The following LYPD6B variants were observed in gnomAD, a reference collection of about 807,000 sequenced individuals.
LYPD6B encodes LY6/PLAUR domain containing 6B, also known as ly6/PLAUR domain-containing protein 6B.
In LYPD6B, 17 loss-of-function variants were observed where a neutral mutation model predicts 22.8. That is an observed-to-expected ratio of 0.75 (90% CI 0.51 to 1.12). LYPD6B has a LOEUF of 1.12. LYPD6B is among the 50% of genes most tolerant of loss of function. The pLI is 0.00. For missense variants in LYPD6B, 221 were observed against 258.3 expected, an observed-to-expected ratio of 0.86 and a Z score of 0.99; for synonymous variants, 106 against 91.6, an observed-to-expected ratio of 1.16 and a Z score of -0.90.
intron 1 of LYPD6B, among the ~76,000 whole-genome samples, chr2:149,129,409 C>T (rs766339124): frequency 1.3e-5 from 2 of 152,152 alleles, no homozygotes; most frequent in African/African-American, 2.4e-5. Context: ...CTAGGCTAAC[C>T]TCTGAATATG....
At chr2:149,161,548 G>A (rs1315486124) in intron 3 of LYPD6B, 4 of 152,244 alleles carry the variant, frequency 2.6e-5, no homozygotes, top group African/African-American at 9.7e-5. Context: ...TTTTCTGAGG[G>A]CAGGTGGCAA....
At chr2:149,080,231 G>A (rs139044790) in intron 1 of LYPD6B, among the ~76,000 whole-genome samples, 135 of 152,262 alleles carry the variant, frequency 8.9e-4, no homozygotes, top group African/African-American at 3.2e-3. Flanking sequence ...GCTTGTGGCC[G>A]CATAACTTTA....
Position 149,145,340 on chromosome 2 carries a change from A to G in LYPD6B, c.5+14387A>G, listed in dbSNP as rs113996707. Among the ~76,000 whole-genome samples, 635 of 152,306 alleles carry G rather than the reference A, an allele frequency of 4.2e-3. 3 individuals are homozygous for G. The highest frequency in any genetic ancestry group is 0.015 in the African/African-American group (606 of 41,572). ...TTGCGCTCTTGAGGGGACCTGGGAT[A>G]TTAGAGGATATTTGCCTGGATGCTC... On this transcript the variant is annotated intron_variant, in intron 2 of 6. Coordinates refer to ENST00000409642, the MANE Select transcript of LYPD6B (RefSeq NM_177964.5).
intron 1 of LYPD6B, among the ~76,000 whole-genome samples, chr2:149,097,527 G>A (rs140218337): frequency 1.1e-3 from 161 of 152,304 alleles, no homozygotes; most frequent in African/African-American, 3.9e-3. Flanking sequence ...TGCTGAACTA[G>A]CAACTCAGGG....
intron 3 of LYPD6B, among the ~76,000 whole-genome samples, chr2:149,179,034 A>G (rs1485873845): frequency 6.6e-6 from 1 of 152,246 alleles, no homozygotes; most frequent in Non-Finnish European, 1.5e-5. Context: ...GAGTGGGGAA[A>G]GAAAGTCGCA....
intron 2 of LYPD6B, among the ~76,000 whole-genome samples, chr2:149,147,803 T>C (rs488501): frequency 0.76 from 115,625 of 151,858 alleles, 44,341 homozygotes; most frequent in South Asian, 0.81. Context: ...TGTGAGCCAC[T>C]GCGCCCAGCC....
intron 2 of LYPD6B, among the ~76,000 whole-genome samples, chr2:149,155,060 CAA>C (rs1689613398): frequency 6.6e-6 from 1 of 152,136 alleles, no homozygotes. Flanking sequence ...GATTCTGTTA[CAA>C]AGTCACTCAG....
At chr2:149,175,155 C>T (rs1484979762) in intron 3 of LYPD6B, among the ~76,000 whole-genome samples, 3 of 150,712 alleles carry the variant, frequency 2.0e-5, no homozygotes, top group African/African-American at 7.3e-5. Flanking sequence ...CATCATTGTG[C>T]AAACATCATA....
intron 2 of LYPD6B, among the ~76,000 whole-genome samples, chr2:149,150,413 G>A (rs378457): frequency 0.65 from 98,856 of 152,102 alleles, 32,291 homozygotes; most frequent in South Asian, 0.76. Flanking sequence ...ATATAAAAGT[G>A]TCTTTAATTC....
intron 1 of LYPD6B, among the ~76,000 whole-genome samples, chr2:149,128,291 G>T (rs887762035): frequency 6.6e-6 from 1 of 152,200 alleles, no homozygotes; most frequent in Non-Finnish European, 1.5e-5. Context: ...CCTGGAAATG[G>T]CATTTAGGGA....
chr2:149,049,896 C>T (rs1683474651), intron 1 of LYPD6B, among the ~76,000 whole-genome samples: 1 of 152,110 alleles, frequency 6.6e-6, no homozygotes, highest in South Asian at 2.1e-4. Flanking sequence ...TGTTAGCAGT[C>T]TCCCAACACC....
At position 149,205,375 on chromosome 2, in the gene LYPD6B, AC is replaced by A. The variant is rs771443589; in HGVS notation, c.201del (p.Phe68SerfsTer4). 3.7e-6 allele frequency: 6 copies of A among 1,613,868 alleles called. No individual in the cohort carries two copies. The African/African-American group carries it at 8.0e-5, about 22-fold the overall frequency. ...AGCTGGGCATTTGCCAAGAACATCAACTTCTATAATGTGAGGCCTCCTCTCG... is the reference window on the plus strand; with the variant it reads ...AGCTGGGCATTTGCCAAGAACATCAATTCTATAATGTGAGGCCTCCTCTCG... ...SESWAFAKNI[N>X]FYNVRPPLDP... On this transcript the variant is annotated frameshift_variant, in exon 4 of 7. Transcript: ENST00000409642. LOFTEE classifies it high-confidence loss of function.
chr2:149,066,690 A>C (rs967814722), intron 1 of LYPD6B, among the ~76,000 whole-genome samples: 10 of 152,068 alleles, frequency 6.6e-5, no homozygotes, highest in African/African-American at 2.4e-4. Flanking sequence ...TGTATATGGC[A>C]TAACATACTC....
rs745310938 is a variant in LYPD6B, at chr2:149,214,755, A to G, written c.*45A>G. ...GGCAGAGACCAGCCTCTAAAGCACA[A>G]GCCAAAAACTGTGTGAACGGTGAAC... On this transcript the variant is annotated 3_prime_UTR_variant, in exon 7 of 7. Transcript: ENST00000409642. The G allele has an allele frequency of 6.3e-7, 1 of 1,594,994 alleles. No individual in the cohort carries two copies. Among genetic ancestry groups the G allele is most frequent in the South Asian group, 1.1e-5 (1 of 90,618 alleles).
intron 1 of LYPD6B, among the ~76,000 whole-genome samples, chr2:149,129,798 A>G (rs1687914310): frequency 6.6e-6 from 1 of 152,200 alleles, no homozygotes; most frequent in Admixed American, 6.5e-5. Context: ...TGTGTAACTC[A>G]TCTTTGTATT....
intron 5 of LYPD6B, 93 bp downstream of exon 5, chr2:149,208,505 T>A (rs1693644876): frequency 9.8e-7 from 1 of 1,021,356 alleles, no homozygotes; most frequent in African/African-American, 1.6e-5. Context: ...GATGTATTTT[T>A]TTCTGAGACT....
At chr2:149,073,143 A>T (rs1449472660) in intron 1 of LYPD6B, among the ~76,000 whole-genome samples, 1 of 152,190 alleles carries the variant, frequency 6.6e-6, no homozygotes, top group African/African-American at 2.4e-5. Context: ...AGAGCTGTTT[A>T]GAGTTTTTTG....
chr2:149,065,692 G>A (rs1273054408), intron 1 of LYPD6B, among the ~76,000 whole-genome samples: 2 of 152,116 alleles, frequency 1.3e-5, no homozygotes, highest in Non-Finnish European at 2.9e-5. Flanking sequence ...TTTGTGTTGT[G>A]TGTTCCAATA....
At chr2:149,154,981 A>G (rs933505870) in intron 2 of LYPD6B, among the ~76,000 whole-genome samples, 3 of 152,330 alleles carry the variant, frequency 2.0e-5, no homozygotes, top group African/African-American at 4.8e-5. Context: ...TGAACTGCAT[A>G]TGGAAGCTTT....
Sources: allele counts gnomAD v4.1 joint callset (sites outside exome capture counted in the v4.1 genomes callset), GRCh38; gene constraint gnomAD v4.1.1; transcripts MANE v1.5; gene names NCBI Gene and HGNC (gene_info 2026-07-23, HGNC 2026-07-21).